MSH3: variants seen among roughly 807,000 people sequenced by gnomAD.
MSH3 encodes mutS homolog 3, also known as DNA mismatch repair protein Msh3.
MSH3 carries 106 observed loss-of-function variants against 123.3 expected under a neutral mutation model. That is an observed-to-expected ratio of 0.86 (90% CI 0.73 to 1.01). The LOEUF (loss-of-function observed/expected upper bound fraction) is 1.01, where lower values mean the gene tolerates loss of function less well. MSH3 is among the 50% of genes least tolerant of loss of function. MSH3 has a pLI of 0.00. For missense variants in MSH3, 1,459 were observed against 1,347.6 expected, an observed-to-expected ratio of 1.08 and a Z score of -1.29; for synonymous variants, 515 against 481.4, an observed-to-expected ratio of 1.07 and a Z score of -0.91.
intron 8 of MSH3, among the ~76,000 whole-genome samples, chr5:80,692,725 TAA>T (rs1750336222): frequency 1.5e-5 from 2 of 137,368 alleles, no homozygotes; most frequent in African/African-American, 2.7e-5. Context: ...TTTATATAGA[TAA>T]ATATACATAC....
chr5:80,678,834 ATC>A (rs1749899364), intron 7 of MSH3, 91 bp from the exon 8 acceptor site: 5 of 1,394,070 alleles, frequency 3.6e-6, no homozygotes, highest in Non-Finnish European at 5.1e-6. Context: ...TCCTGAGTGT[ATC>A]ATCTTTACTT....
chr5:80,873,213 A>C lies in MSH3; in HGVS notation c.3228A>C (p.Ala1076=), dbSNP rs1213058294. The C allele has an allele frequency of 2.5e-6, 4 of 1,613,928 alleles. No homozygotes were observed. Among genetic ancestry groups the C allele is most frequent in the Non-Finnish European group, 3.4e-6 (4 of 1,179,944 alleles). Residue 1076 remains alanine, a synonymous_variant, in exon 23 of 24, where the codon GCA becomes GCC. Coordinates refer to ENST00000265081, the MANE Select transcript of MSH3 (RefSeq NM_002439.5). ...RSYGLNVAKL[A]DVPGEILKKA... is the part of the protein sequence containing the mutation. ...ATGGATTAAATGTGGCTAAACTAGCAGATGTTCCTGGAGAAATTTTGAAGA... is the reference window on the plus strand; with the variant it reads ...ATGGATTAAATGTGGCTAAACTAGCCGATGTTCCTGGAGAAATTTTGAAGA...
rs190636890 is a variant in MSH3, at chr5:80,733,031, A to T, written c.1568+4066A>T. ...GAGAAATTGACAAGCTGATCCTAAA[A>T]TTCATAGGATTCATATCTCTGTTTC... is the stretch of plus-strand genomic sequence containing the variant. On this transcript the variant is annotated intron_variant, in intron 10 of 23. Transcript: ENST00000265081. Among the ~76,000 whole-genome samples the T allele has an allele frequency of 2.0e-3, 305 of 152,264 alleles. 2 individuals are homozygous for T. Among genetic ancestry groups the T allele is most frequent in the African/African-American group, 7.0e-3 (293 of 41,572 alleles).
intron 8 of MSH3, among the ~76,000 whole-genome samples, chr5:80,686,371 C>G (rs924736835): frequency 1.3e-5 from 2 of 150,922 alleles, no homozygotes; most frequent in Non-Finnish European, 3.0e-5. Flanking sequence ...GGCATGATCT[C>G]AGTACACTGC....
At chr5:80,680,801 A>AGG (rs1478529740) in intron 8 of MSH3, among the ~76,000 whole-genome samples, 3 of 152,060 alleles carry the variant, frequency 2.0e-5, no homozygotes, top group Admixed American at 2.0e-4. Context: ...TTATCCTCTA[A>AGG]TATTTCAGTA....
chr5:80,858,471 G>GT (rs1309284519), intron 21 of MSH3, among the ~76,000 whole-genome samples: 1 of 152,076 alleles, frequency 6.6e-6, no homozygotes, highest in Non-Finnish European at 1.5e-5. Context: ...TGACCCATAT[G>GT]TTTTTTAAGA....
At chr5:80,761,472 G>A (rs1049739904) in intron 12 of MSH3, 74 bp from the exon 13 acceptor site, 1 of 1,556,644 alleles carries the variant, frequency 6.4e-7, no homozygotes, top group African/African-American at 1.4e-5. Context: ...CACATTCCTG[G>A]GCATTAGAGT....
At chr5:80,792,895 A>G (rs1744633521) in intron 19 of MSH3, 51 bp downstream of exon 19, 1 of 1,176,316 alleles carries the variant, frequency 8.5e-7, no homozygotes. Flanking sequence ...CCAAACTTTT[A>G]CATACCAAAG....
chr5:80,686,450 G>A (rs1156813201), intron 8 of MSH3, among the ~76,000 whole-genome samples: 1 of 151,778 alleles, frequency 6.6e-6, no homozygotes. Context: ...TTACAGGCGT[G>A]CACCACCACG....
chr5:80,851,516 G>A (rs1021458863), intron 20 of MSH3, among the ~76,000 whole-genome samples: 1 of 151,694 alleles, frequency 6.6e-6, no homozygotes, highest in South Asian at 2.1e-4. Flanking sequence ...ATTTTGTTTC[G>A]CTTTGTCAGA....
intron 22 of MSH3, 93 bp downstream of exon 22, chr5:80,865,035 T>G: frequency 1.6e-6 from 2 of 1,223,752 alleles, no homozygotes; most frequent in Non-Finnish European, 2.4e-6. Flanking sequence ...TTATTAATAA[T>G]GAAAGCTGTG....
At chr5:80,817,274 G>A (rs1158058476) in intron 20 of MSH3, among the ~76,000 whole-genome samples, 1 of 152,204 alleles carries the variant, frequency 6.6e-6, no homozygotes, top group Non-Finnish European at 1.5e-5. Flanking sequence ...GTGAGTTGAA[G>A]CCTGAAAAGT....
chr5:80,869,912 G>A (rs987844151), intron 22 of MSH3, among the ~76,000 whole-genome samples: 1 of 149,534 alleles, frequency 6.7e-6, no homozygotes, highest in Admixed American at 6.7e-5. Flanking sequence ...GGTGGCTCAC[G>A]CCTGTAATCT....
chr5:80,737,708 C>G (rs538153454), intron 10 of MSH3, among the ~76,000 whole-genome samples: 172 of 152,214 alleles, frequency 1.1e-3, no homozygotes, highest in African/African-American at 3.9e-3. Flanking sequence ...TAGGTGCTAA[C>G]AGAAGGAAAT....
chr5:80,775,890 C>CTT (rs760266846), intron 16 of MSH3, 132 bp downstream of exon 16: 1,488 of 521,858 alleles, frequency 2.9e-3, no homozygotes, highest in Non-Finnish European at 3.4e-3. Context: ...TCTGATGGAA[C>CTT]TTTTTTTTTT....
intron 13 of MSH3, among the ~76,000 whole-genome samples, chr5:80,762,758 T>C (rs879305719): frequency 6.7e-6 from 1 of 148,370 alleles, no homozygotes; most frequent in Admixed American, 6.7e-5. Flanking sequence ...TTATTTTGTT[T>C]TATTTTATTT....
chr5:80,836,326 C>T (rs1185297806), intron 20 of MSH3, among the ~76,000 whole-genome samples: 1 of 152,008 alleles, frequency 6.6e-6, no homozygotes, highest in African/African-American at 2.4e-5. Flanking sequence ...ATCTTATGTG[C>T]AAGACACTCT....
At chr5:80,726,939 T>C (rs187111406) in intron 9 of MSH3, among the ~76,000 whole-genome samples, 23 of 152,288 alleles carry the variant, frequency 1.5e-4, no homozygotes, top group Admixed American at 1.3e-3. Flanking sequence ...GTGTTGCTCT[T>C]AGTGGGATAG....
intron 18 of MSH3, among the ~76,000 whole-genome samples, chr5:80,787,877 T>C (rs1363951067): frequency 6.6e-6 from 1 of 152,198 alleles, no homozygotes; most frequent in Non-Finnish European, 1.5e-5. Context: ...TGAAAGCAGA[T>C]GTTAAAGTTT....
Sources: allele counts gnomAD v4.1 joint callset (sites outside exome capture counted in the v4.1 genomes callset), GRCh38; gene constraint gnomAD v4.1.1; transcripts MANE v1.5; gene names NCBI Gene and HGNC (gene_info 2026-07-23, HGNC 2026-07-21).